MEAK7: variants seen among roughly 807,000 people sequenced by gnomAD.
MEAK7 encodes the protein MTOR associated protein MEAK7, also known as MTOR-associated protein MEAK7.
MEAK7 carries 68 observed loss-of-function variants against 40.5 expected under a neutral mutation model. That is an observed-to-expected ratio of 1.68 (90% CI 1.38 to 2.06). The LOEUF is 2.06. Among genes scored for constraint, MEAK7 ranks in the 30% most tolerant of loss-of-function variants. The pLI, the probability that MEAK7 is intolerant of heterozygous loss-of-function variation, is 0.00. For synonymous variants in MEAK7, 338 were observed against 231.9 expected, an observed-to-expected ratio of 1.46 and a Z score of -4.16; for missense variants, 918 against 580.5, an observed-to-expected ratio of 1.58 and a Z score of -5.98.
intron 2 of MEAK7, chr16:84,497,699 T>A (rs1914167832): frequency 3.4e-6 from 5 of 1,460,144 alleles, no homozygotes; most frequent in Non-Finnish European, 2.8e-6. Context: ...GGGATGCGTT[T>A]AGACACTGTC....
At chr16:84,497,707 G>T in intron 2 of MEAK7, 1 of 1,417,448 alleles carries the variant, frequency 7.1e-7, no homozygotes. Context: ...TTTAGACACT[G>T]TCTATGGCTA....
chr16:84,487,242 G>T, intron 4 of MEAK7, 183 bp from the exon 5 acceptor site: 1 of 519,484 alleles, frequency 1.9e-6, no homozygotes, highest in Non-Finnish European at 3.3e-6. Context: ...CAAAGATTTG[G>T]TATGAAAAAA....
At chr16:84,489,232 C>T (rs763538694) in intron 4 of MEAK7, 46 bp downstream of exon 4, 19 of 1,598,092 alleles carry the variant, frequency 1.2e-5, no homozygotes, top group East Asian at 4.5e-5. Context: ...CAGCAGGTAC[C>T]GCTCTACAGC....
chr16:84,480,122 G>T, intron 7 of MEAK7, 96 bp from the exon 8 acceptor site: 1 of 1,008,778 alleles, frequency 9.9e-7, no homozygotes, highest in Non-Finnish European at 1.4e-6. Context: ...GTGGAATCAG[G>T]CTCCGGTTCC....
rs768126549 is a variant in MEAK7 at position 84,487,035 on chromosome 16, T to C, written c.554A>G (p.Gln185Arg). 6.2e-7 allele frequency: 1 copy of C among 1,612,882 alleles called. No individual in the cohort carries two copies. Among genetic ancestry groups the C allele is most frequent in the South Asian group, 1.1e-5 (1 of 90,858 alleles). ...LQDGKRLLGP[Q>R]WLDYDCDRAV... is the part of the protein sequence containing the mutation. ...TCGGTCACAGTCATAGTCCAGCCAC[T>C]GGGGCCCCAGAAGTCTCTTGCCATC... The change falls in exon 5 of 8, where the codon CAG becomes CGG. Residue 185 changes from glutamine (Q) to arginine (R), a missense_variant. Coordinates refer to ENST00000343629, the MANE Select transcript of MEAK7 (RefSeq NM_020947.4).
In MEAK7 at chr16:84,479,740, G is replaced by C. The variant is rs372831681; in HGVS notation, c.*173C>G. Reference sequence around the variant, plus strand: ...ATCTATTTCTGGGAGATCCACCCATGAGTCAGGACATGGCTTCAGAGGGCG... The same window carrying C: ...ATCTATTTCTGGGAGATCCACCCATCAGTCAGGACATGGCTTCAGAGGGCG... On this transcript the variant is annotated 3_prime_UTR_variant, in exon 8 of 8. Coordinates refer to ENST00000343629, the MANE Select transcript of MEAK7 (RefSeq NM_020947.4). The C allele has an allele frequency of 6.8e-5, 29 of 429,194 alleles. No individual in the cohort carries two copies. In the South Asian group the frequency reaches 2.3e-3, roughly 34 times the overall value. The allele number at this position is 429,194 out of a possible 1,614,324, so 26.6% of individuals were successfully genotyped here.
At position 84,501,913 on chromosome 16, in the gene MEAK7, G is replaced by C. The variant is rs145184641; in HGVS notation, c.-26+2688C>G. 4.5e-4 allele frequency among the ~76,000 whole-genome samples: 68 copies of C among 152,316 alleles called. 2 individuals carry two copies. The East Asian group carries it at 9.3e-3, about 21-fold the overall frequency. On this transcript the variant is annotated intron_variant, in intron 1 of 7. Transcript: ENST00000343629. ...TAATCCCAGCACTTTGGGAGGCCGA[G>C]GCGGGTGGATCTCCTGAGGTCGGGA...
rs1447718213 is a variant in MEAK7 at position 84,479,467 on chromosome 16, C to G, written c.*446G>C. 1.6e-5 allele frequency: 2 copies of G among 125,316 alleles called. No homozygotes were observed. Among genetic ancestry groups the G allele is most frequent in the African/African-American group, 6.5e-5 (2 of 30,732 alleles). The allele number at this position is 125,316 out of a possible 1,614,324, so 7.8% of individuals were successfully genotyped here. Reference sequence around the variant, plus strand: ...AATTCCCTAATGCCAGCGGAATTCCCTAATGCCAGCGGAATTCCCTAATGC... The same window carrying G: ...AATTCCCTAATGCCAGCGGAATTCCGTAATGCCAGCGGAATTCCCTAATGC... On this transcript the variant is annotated 3_prime_UTR_variant, in exon 8 of 8. Coordinates refer to ENST00000343629, the MANE Select transcript of MEAK7 (RefSeq NM_020947.4).
At chr16:84,494,771 G>T (rs1172015235) in intron 3 of MEAK7, 1 of 454,868 alleles carries the variant, frequency 2.2e-6, no homozygotes, top group East Asian at 7.0e-5. Context: ...GGACATGACA[G>T]ATCAGACAAA....
chr16:84,503,310 T>C (rs1179959519), intron 1 of MEAK7, among the ~76,000 whole-genome samples: 8 of 152,246 alleles, frequency 5.3e-5, no homozygotes, highest in Admixed American at 5.2e-4. Context: ...GAGCTTGCCC[T>C]AGGTGATGTC....
intron 1 of MEAK7, chr16:84,502,688 T>A (rs183168723): frequency 6.6e-6 from 1 of 151,964 alleles, no homozygotes; most frequent in Non-Finnish European, 1.5e-5. Context: ...CTGGGCAACA[T>A]AGTGAGACTT....
rs140417724 is a variant in MEAK7 at position 84,503,527 on chromosome 16, T to C, written c.-26+1074A>G. Among the ~76,000 whole-genome samples, 352 of 152,334 alleles carry C rather than the reference T, an allele frequency of 2.3e-3. 2 individuals carry two copies. The highest frequency in any genetic ancestry group is 7.9e-3 in the African/African-American group (329 of 41,584). On this transcript the variant is annotated intron_variant, in intron 1 of 7. Transcript: ENST00000343629. The stretch of plus-strand genomic sequence containing the variant: ...CCATTGCTGTGGTCCCTATACCCAT[T>C]GCAATGGTCTTCAATAATTAATGTG...
In MEAK7 at chr16:84,487,187, G is replaced by C. The variant is rs977112954; in HGVS notation, c.530-128C>G. On this transcript the variant is annotated intron_variant, in intron 4 of 7. Transcript: ENST00000343629. ...TTACTGAGCACAGAAAACAGGGCTC[G>C]TGTGAATTGAGAGGTGCCGTCAGTG... 2.6e-5 allele frequency: 23 copies of C among 876,310 alleles called. No homozygotes were observed. In the African/African-American group the frequency reaches 3.7e-4, roughly 14 times the overall value. 54.3% of individuals were successfully genotyped at this position (876,310 alleles called of 1,614,324 possible). A position where few individuals can be genotyped will look rare whatever the true frequency, so the allele number is the denominator to read the frequency against.
chr16:84,486,931 T>C lies in MEAK7; in HGVS notation c.658A>G (p.Ile220Val), dbSNP rs431818. The stretch of plus-strand genomic sequence containing the variant: ...GTCAGATCAAGAGACGAGCACAGGA[T>C]GAGAAAGCCCTTGCAAATGACCACA... ...LSVVICKGFL[I>V]LCSSLDLTTL... Residue 220 changes from isoleucine (I) to valine (V), a missense_variant, in exon 5 of 8, where the codon ATC becomes GTC. Transcript: ENST00000343629. 1,607,025 of 1,614,178 alleles carry C rather than the reference T, an allele frequency of 1. 800,075 individuals are homozygous for C. The highest frequency in any genetic ancestry group is 1 in the East Asian group (44,875 of 44,876).
intron 7 of MEAK7, 139 bp from the exon 8 acceptor site, chr16:84,480,165 G>A: frequency 3.0e-6 from 2 of 669,256 alleles, no homozygotes; most frequent in Admixed American, 3.2e-5. Flanking sequence ...GGATTCAGTG[G>A]CTGGGTGGGT....
At chr16:84,482,409 A>G (rs553521490) in intron 6 of MEAK7, among the ~76,000 whole-genome samples, 183 bp downstream of exon 6, 1 of 152,310 alleles carries the variant, frequency 6.6e-6, no homozygotes, top group East Asian at 1.9e-4. Context: ...CTCTAAGGGA[A>G]ACCCTGGCCC....
At chr16:84,501,795 C>T (rs569903906) in intron 1 of MEAK7, among the ~76,000 whole-genome samples, 5 of 152,146 alleles carry the variant, frequency 3.3e-5, no homozygotes, top group Non-Finnish European at 5.9e-5. Flanking sequence ...TGAAGGGACA[C>T]GTCTCAGAAC....
chr16:84,489,528 GC>G, intron 3 of MEAK7, 106 bp from the exon 4 acceptor site: 1 of 1,296,650 alleles, frequency 7.7e-7, no homozygotes, highest in Non-Finnish European at 1.1e-6. Context: ...ACTATGATGG[GC>G]CACAATGTGG....
At chr16:84,481,157 G>T (rs1912504950) in intron 6 of MEAK7, among the ~76,000 whole-genome samples, 1 of 152,212 alleles carries the variant, frequency 6.6e-6, no homozygotes, top group Admixed American at 6.5e-5. Flanking sequence ...AGACAGGCTG[G>T]GAAACTCAGC....
Sources: gnomAD v4.1 joint callset for allele counts (sites outside exome capture counted in the v4.1 genomes callset) on GRCh38, gnomAD v4.1.1 for gene constraint, MANE v1.5 for transcripts, NCBI Gene and HGNC (gene_info 2026-07-23, HGNC 2026-07-21) for gene names.